MAP1B: variants seen among roughly 807,000 people sequenced by gnomAD.
MAP1B encodes the protein microtubule-associated protein 1B.
A neutral mutation model predicts 176.1 loss-of-function variants in MAP1B; 12 were observed. The observed-to-expected ratio is 0.07, with a 90% CI of 0.04 to 0.11. The LOEUF is 0.11. MAP1B is among the 10% of genes least tolerant of loss of function. The pLI is 1.00. For synonymous variants in MAP1B, 1,044 were observed against 1,135.0 expected (o/e 0.92, Z 1.61); for missense variants, 2,523 against 2,990.5 (o/e 0.84, Z 3.65).
chr5:72,117,027 G>A (rs1457077868), intron 2 of MAP1B, among the ~76,000 whole-genome samples: 1 of 151,922 alleles, frequency 6.6e-6, no homozygotes, highest in Non-Finnish European at 1.5e-5. Flanking sequence ...TTATTGAAAT[G>A]CATTGTAGCT....
At chr5:72,177,078 AC>A (rs1337762389) in intron 2 of MAP1B, among the ~76,000 whole-genome samples, 3 of 151,926 alleles carry the variant, frequency 2.0e-5, no homozygotes, top group Non-Finnish European at 4.4e-5. Context: ...GTCTCCTACC[AC>A]CTTTGTTTTC....
intron 2 of MAP1B, among the ~76,000 whole-genome samples, chr5:72,171,888 C>T (rs940635091): frequency 6.6e-6 from 1 of 152,202 alleles, no homozygotes; most frequent in African/African-American, 2.4e-5. Context: ...AGAGGAAATG[C>T]GTAGGTGCTG....
At position 72,122,376 on chromosome 5, in the gene MAP1B, G is replaced by A. The variant is rs140294902; in HGVS notation, c.286+6577G>A. The stretch of plus-strand genomic sequence containing the variant: ...TCCTTTTCTAGCGGTGAAAGAGCCA[G>A]ACCTTCCAAGGAGAAGATTAGAATT... On this transcript the variant is annotated intron_variant, in intron 2 of 6. Coordinates refer to ENST00000296755, the MANE Select transcript of MAP1B (RefSeq NM_005909.5). 3.1e-3 allele frequency among the ~76,000 whole-genome samples: 475 copies of A among 152,248 alleles called. 2 individuals are homozygous for A. Among genetic ancestry groups the A allele is most frequent in the African/African-American group, 0.011 (459 of 41,558 alleles).
At chr5:72,122,108 G>A (rs979070523) in intron 2 of MAP1B, among the ~76,000 whole-genome samples, 3 of 152,186 alleles carry the variant, frequency 2.0e-5, no homozygotes, top group South Asian at 2.1e-4. Flanking sequence ...CATTATATTC[G>A]TTAAGGTAAC....
chr5:72,132,145 C>G (rs939360882), intron 2 of MAP1B, among the ~76,000 whole-genome samples: 1 of 152,098 alleles, frequency 6.6e-6, no homozygotes, highest in Non-Finnish European at 1.5e-5. Flanking sequence ...AACAGATTTT[C>G]TTGTTCTATG....
chr5:72,117,000 A>C (rs1745447577), intron 2 of MAP1B, among the ~76,000 whole-genome samples: 1 of 152,112 alleles, frequency 6.6e-6, no homozygotes, highest in South Asian at 2.1e-4. Context: ...ATTAGAATAA[A>C]ATCCCATACA....
At chr5:72,174,946 C>T (rs1329492773) in intron 2 of MAP1B, among the ~76,000 whole-genome samples, 1 of 119,882 alleles carries the variant, frequency 8.3e-6, no homozygotes, top group Non-Finnish European at 1.8e-5. Flanking sequence ...TTCCCCCTTC[C>T]CCTCTTTGGC....
intron 2 of MAP1B, among the ~76,000 whole-genome samples, chr5:72,160,417 G>C (rs574811459): frequency 1.3e-5 from 2 of 152,242 alleles, no homozygotes; most frequent in African/African-American, 4.8e-5. Flanking sequence ...TGTGACTATT[G>C]TCTAGGAAAT....
intron 1 of MAP1B, among the ~76,000 whole-genome samples, chr5:72,110,168 G>T (rs1259176499): frequency 6.6e-6 from 1 of 152,184 alleles, no homozygotes; most frequent in Non-Finnish European, 1.5e-5. Context: ...ACACGCCTGG[G>T]TTACCCAGAT....
chr5:72,190,365 G>T (rs1053936787), intron 4 of MAP1B, among the ~76,000 whole-genome samples: 21 of 152,148 alleles, frequency 1.4e-4, no homozygotes, highest in African/African-American at 5.1e-4. Context: ...AGCTTCTTTG[G>T]CTTCATGATA....
chr5:72,149,668 T>G (rs867226381), intron 2 of MAP1B, among the ~76,000 whole-genome samples: 41 of 152,170 alleles, frequency 2.7e-4, no homozygotes, highest in African/African-American at 9.7e-4. Context: ...CTGTCACCCC[T>G]CTGTGCTTTT....
At chr5:72,133,608 G>A (rs1401093225) in intron 2 of MAP1B, among the ~76,000 whole-genome samples, 2 of 152,086 alleles carry the variant, frequency 1.3e-5, no homozygotes, top group Non-Finnish European at 2.9e-5. Context: ...ACTTTACAGA[G>A]GATTTATGAA....
rs756620120 is a variant in MAP1B, at chr5:72,199,453, G to A, written c.6098G>A (p.Arg2033Gln). ...TATGAGACATCTACAAAGACAACACGAACCCCTGATACTTCCACATACTGT... is the reference window on the plus strand; with the variant it reads ...TATGAGACATCTACAAAGACAACACAAACCCCTGATACTTCCACATACTGT... Reference protein sequence around the residue: ...YSYETSTKTTRTPDTSTYCYE... With the variant: ...YSYETSTKTTQTPDTSTYCYE... The change falls in exon 5 of 7, where the codon CGA (arginine) becomes CAA (glutamine). Residue 2033 changes from arginine (R) to glutamine (Q), a missense_variant. This residue lies in a region of MAP1B where 1,925 missense variants were observed against 2,126.0 expected (regional missense o/e 0.91). Coordinates refer to ENST00000296755, the MANE Select transcript of MAP1B (RefSeq NM_005909.5). The surrounding 1 kb of genome is among the most constrained non-coding windows in gnomAD (Gnocchi z 4.2). 10 of 1,613,842 alleles carry A rather than the reference G, an allele frequency of 6.2e-6. No individual in the cohort carries two copies. Among genetic ancestry groups the A allele is most frequent in the African/African-American group, 4.0e-5 (3 of 74,832 alleles).
rs1043255473 is a variant in MAP1B, at chr5:72,207,891, C to A, written c.*2652C>A. The A allele has an allele frequency of 6.6e-6, 1 of 151,100 alleles. No individual in the cohort carries two copies. Among genetic ancestry groups the A allele is most frequent in the Non-Finnish European group, 1.5e-5 (1 of 67,880 alleles). 9.4% of individuals were successfully genotyped at this position (151,100 alleles called of 1,614,324 possible). A position where few individuals can be genotyped will look rare whatever the true frequency, so the allele number is the denominator to read the frequency against. On this transcript the variant is annotated 3_prime_UTR_variant, in exon 7 of 7. Transcript: ENST00000296755. The stretch of plus-strand genomic sequence containing the variant: ...ATTATTTTGCTTTAAAAACTATAAA[C>A]ATTGTAGGAGAATTATAGCCAGTCT...
At chr5:72,176,243 A>G (rs1226186760) in intron 2 of MAP1B, among the ~76,000 whole-genome samples, 2 of 152,236 alleles carry the variant, frequency 1.3e-5, no homozygotes, top group Non-Finnish European at 2.9e-5. Flanking sequence ...GCAATTCAGC[A>G]GGCGTTGGCT....
chr5:72,134,664 A>AC (rs1745799252), intron 2 of MAP1B, among the ~76,000 whole-genome samples: 3 of 151,970 alleles, frequency 2.0e-5, no homozygotes, highest in African/African-American at 7.2e-5. Flanking sequence ...GTGGCACTCT[A>AC]TCAATTAGTG....
Position 72,199,353 on chromosome 5 carries a change from A to G in MAP1B, c.5998A>G (p.Thr2000Ala), listed in dbSNP as rs1383325428. The G allele has an allele frequency of 6.2e-7, 1 of 1,614,132 alleles. No homozygotes were observed. The highest frequency in any genetic ancestry group is 1.7e-5 in the Admixed American group (1 of 60,012). The change falls in exon 5 of 7, where the codon ACA becomes GCA. Residue 2000 changes from threonine to alanine, a missense_variant. By Grantham distance (58) the Thr-to-Ala change is moderately conservative. Coordinates refer to ENST00000296755, the MANE Select transcript of MAP1B (RefSeq NM_005909.5). This position sits in a 1 kb window ranked among gnomAD's most constrained non-coding sequence, Gnocchi z 4.2. ...TGATGACTCTGAGGATGGTGGCCAC[A>G]CACTTGGGGACCCCAGCTACTCTTA... ...GYDDSEDGGH[T>A]LGDPSYSYET... is the part of the protein sequence containing the mutation.
rs1181646513 is a variant in MAP1B, at chr5:72,197,693, T to G, written c.4338T>G (p.Ser1446=). 4 of 1,613,974 alleles carry G rather than the reference T, an allele frequency of 2.5e-6. No individual in the cohort carries two copies. The highest frequency in any genetic ancestry group is 3.4e-6 in the Non-Finnish European group (4 of 1,180,034). The change falls in exon 5 of 7, where the codon TCT becomes TCG. Residue 1446 remains serine, a synonymous_variant. Transcript: ENST00000296755. ...CTCCAGACCAAGTAAGTCCAGTTTC[T>G]GAAATGACTTCTACTAGTCTTTACC... ...QGSPDQVSPV[S]EMTSTSLYQD...
Position 72,199,669 on chromosome 5 carries a change from A to G in MAP1B, c.6314A>G (p.Asn2105Ser). The change falls in exon 5 of 7, where the codon AAT (asparagine) becomes AGT (serine). Residue 2105 changes from asparagine (N) to serine (S), a missense_variant. This residue lies in a region of MAP1B where 1,925 missense variants were observed against 2,126.0 expected (regional missense o/e 0.91). Coordinates refer to ENST00000296755, the MANE Select transcript of MAP1B (RefSeq NM_005909.5). This position sits in a 1 kb window ranked among gnomAD's most constrained non-coding sequence, Gnocchi z 4.2. ...TELSPSFINP[N>S]PLEWFASEEP... ...CTTTCACCCTCTTTCATTAATCCCA[A>G]TCCTCTTGAGTGGTTTGCCAGTGAA... The G allele has an allele frequency of 6.2e-7, 1 of 1,614,052 alleles. No individual in the cohort carries two copies. Among genetic ancestry groups the G allele is most frequent in the Non-Finnish European group, 8.5e-7 (1 of 1,180,006 alleles).
Sources: gnomAD v4.1 joint callset for allele counts (sites outside exome capture counted in the v4.1 genomes callset) on GRCh38, gnomAD v4.1.1 for gene constraint, gnomAD v4.1.1 regional missense constraint, Gnocchi (gnomAD v3.1) non-coding constraint, MANE v1.5 for transcripts, NCBI Gene and HGNC (gene_info 2026-07-23, HGNC 2026-07-21) for gene names.